The following ADAM10 variants were observed in gnomAD, a reference collection of about 807,000 sequenced individuals.
The protein encoded by ADAM10 is disintegrin and metalloproteinase domain-containing protein 10.
ADAM10 carries 17 observed loss-of-function variants against 90.1 expected under a neutral mutation model. That is an observed-to-expected ratio of 0.19 (90% CI 0.13 to 0.28). The LOEUF (loss-of-function observed/expected upper bound fraction) is 0.28. Ranked by LOEUF, ADAM10 falls within the 10% of genes least tolerant of loss-of-function variation. The pLI is 1.00. For synonymous variants in ADAM10, 310 were observed against 298.6 expected, an observed-to-expected ratio of 1.04 and a Z score of -0.40; for missense variants, 610 against 914.3, an observed-to-expected ratio of 0.67 and a Z score of 4.29.
chr15:58,708,078 A>G lies in ADAM10; in HGVS notation c.206+9499T>C, dbSNP rs546591939. On this transcript the variant is annotated intron_variant, in intron 2 of 15. Transcript: ENST00000260408. The stretch of plus-strand genomic sequence containing the variant: ...GGCAACAGAGCGAGACTCGGTCTCA[A>G]AAAAAAACAAAAACAAAAACAAAAC... 1.9e-3 allele frequency among the ~76,000 whole-genome samples: 284 copies of G among 152,154 alleles called. 2 individuals carry two copies. The highest frequency in any genetic ancestry group is 6.6e-3 in the African/African-American group (274 of 41,524).
chr15:58,630,241 A>G (rs1896067333), intron 9 of ADAM10, among the ~76,000 whole-genome samples: 1 of 152,172 alleles, frequency 6.6e-6, no homozygotes, highest in Non-Finnish European at 1.5e-5. Context: ...TATGATGGTC[A>G]TATTTTCTTA....
chr15:58,677,847 A>G (rs746012042), intron 4 of ADAM10, among the ~76,000 whole-genome samples: 1 of 152,198 alleles, frequency 6.6e-6, no homozygotes, highest in Non-Finnish European at 1.5e-5. Context: ...TTGCAATATT[A>G]CAGGAGCAAA....
chr15:58,703,229 A>C (rs1205045386), intron 2 of ADAM10, among the ~76,000 whole-genome samples: 1 of 151,198 alleles, frequency 6.6e-6, no homozygotes, highest in African/African-American at 2.4e-5. Context: ...AGTCAGAAAA[A>C]CTGCAGTATA....
intron 1 of ADAM10, among the ~76,000 whole-genome samples, chr15:58,743,093 C>G (rs532311545): frequency 1.6e-4 from 24 of 152,148 alleles, no homozygotes; most frequent in African/African-American, 5.1e-4. Context: ...ACCTGGGCCT[C>G]TTTACCCCAG....
intron 8 of ADAM10, among the ~76,000 whole-genome samples, chr15:58,634,754 G>T (rs973368488): frequency 4.6e-5 from 7 of 152,070 alleles, no homozygotes; most frequent in Non-Finnish European, 7.4e-5. Flanking sequence ...ATGGATAAGC[G>T]TATTACGATA....
intron 4 of ADAM10, 94 bp from the exon 5 acceptor site, chr15:58,665,291 T>G (rs1897053803): frequency 2.0e-6 from 2 of 996,636 alleles, no homozygotes; most frequent in African/African-American, 1.6e-5. Context: ...CTGTCTTAAC[T>G]AATGAAAACC....
chr15:58,609,338 C>G (rs556631234), intron 14 of ADAM10: 15 of 152,284 alleles, frequency 9.9e-5, no homozygotes, highest in African/African-American at 3.4e-4. Context: ...ATGATCATTA[C>G]ATATCTAAAA....
At chr15:58,637,781 A>G (rs1187184248) in intron 8 of ADAM10, among the ~76,000 whole-genome samples, 1 of 152,150 alleles carries the variant, frequency 6.6e-6, no homozygotes, top group Non-Finnish European at 1.5e-5. Context: ...CAAAAGGTCC[A>G]GATTCCAGAT....
intron 14 of ADAM10, among the ~76,000 whole-genome samples, chr15:58,601,894 T>C (rs1895121780): frequency 6.6e-6 from 1 of 152,220 alleles, no homozygotes; most frequent in Non-Finnish European, 1.5e-5. Context: ...CACACATCTT[T>C]GGTAAGAATA....
rs1427953864 is a variant in ADAM10 at position 58,712,655 on chromosome 15, T to TA, written c.206+4921dup. 2.2e-5 allele frequency among the ~76,000 whole-genome samples: 3 copies of TA among 138,826 alleles called. No individual in the cohort carries two copies. In the East Asian group the frequency reaches 6.1e-4, roughly 28 times the overall value. 91.1% of individuals were successfully genotyped at this position (138,826 alleles called of 152,430 possible). ...TCACATGGTGAAGCCCCGTCTCTAC[T>TA]AAAAAATACCAAAAAAAAAAATTAG... On this transcript the variant is annotated intron_variant, in intron 2 of 15. Transcript: ENST00000260408.
At chr15:58,610,141 T>TG (rs1476034069) in intron 14 of ADAM10, 156 bp downstream of exon 14, 4 of 726,192 alleles carry the variant, frequency 5.5e-6, no homozygotes, top group Non-Finnish European at 9.5e-6. Flanking sequence ...CAGAAGGAAA[T>TG]AATAACCAGA....
At chr15:58,674,715 G>GGAAGCTTCTACATGAATGAA (rs1897273377) in intron 4 of ADAM10, among the ~76,000 whole-genome samples, 1 of 152,152 alleles carries the variant, frequency 6.6e-6, no homozygotes, top group South Asian at 2.1e-4. Flanking sequence ...CCACAAATGA[G>GGAAGCTTCTACATGAATGAA]GAAGCTTCTA....
At chr15:58,713,465 T>G (rs552807533) in intron 2 of ADAM10, among the ~76,000 whole-genome samples, 75 of 152,280 alleles carry the variant, frequency 4.9e-4, no homozygotes, top group African/African-American at 1.7e-3. Flanking sequence ...TGAGTAAGAT[T>G]CACACTCTGC....
chr15:58,676,555 C>G lies in ADAM10; in HGVS notation c.484+2569G>C, dbSNP rs141129677. On this transcript the variant is annotated intron_variant, in intron 4 of 15. Transcript: ENST00000260408. The stretch of plus-strand genomic sequence containing the variant: ...TTGACATGAAAACTAAGGGTAGCTT[C>G]CACATTTTTAAATGGTTAAAGAAAA... Among the ~76,000 whole-genome samples the G allele has an allele frequency of 7.0e-3, 1,067 of 152,104 alleles. 13 individuals carry two copies. The highest frequency in any genetic ancestry group is 0.025 in the African/African-American group (1,020 of 41,464).
At chr15:58,678,059 G>A (rs1897335194) in intron 4 of ADAM10, among the ~76,000 whole-genome samples, 1 of 152,122 alleles carries the variant, frequency 6.6e-6, no homozygotes, top group Non-Finnish European at 1.5e-5. Context: ...TGAAAAGAAA[G>A]GTAGAGTTTG....
chr15:58,593,214 C>G lies in ADAM10; in HGVS notation c.*4333G>C, dbSNP rs1341186117. 1 of 109,242 alleles carries G rather than the reference C, an allele frequency of 9.2e-6. No individual in the cohort carries two copies. Among genetic ancestry groups the G allele is most frequent in the African/African-American group, 3.6e-5 (1 of 27,872 alleles). 6.8% of individuals were successfully genotyped at this position (109,242 alleles called of 1,614,324 possible). On this transcript the variant is annotated 3_prime_UTR_variant, in exon 16 of 16. Coordinates refer to ENST00000260408, the MANE Select transcript of ADAM10 (RefSeq NM_001110.4). ...TTTTTTTTTGAGACAGAGTCTCGCT[C>G]TGTCACCCAGGCTGGAGTGCAATGG...
intron 4 of ADAM10, among the ~76,000 whole-genome samples, chr15:58,676,605 CATATGAAATAT>C (rs1240211869): frequency 6.6e-6 from 1 of 152,020 alleles, no homozygotes; most frequent in Non-Finnish European, 1.5e-5. Flanking sequence ...TATTTTATGT[CATATGAAATAT>C]ATATGAAATT....
intron 9 of ADAM10, 71 bp from the exon 10 acceptor site, chr15:58,627,954 A>G: frequency 6.9e-7 from 1 of 1,443,834 alleles, no homozygotes; most frequent in South Asian, 1.2e-5. Context: ...GATTAAACGT[A>G]ATGTTCTCAT....
chr15:58,699,516 T>C (rs1336065365), intron 2 of ADAM10, among the ~76,000 whole-genome samples: 1 of 152,200 alleles, frequency 6.6e-6, no homozygotes, highest in Non-Finnish European at 1.5e-5. Context: ...CCTAGCACTT[T>C]GGGAGGCCGA....
Sources: allele counts gnomAD v4.1 joint callset (sites outside exome capture counted in the v4.1 genomes callset), GRCh38; gene constraint gnomAD v4.1.1; transcripts MANE v1.5; gene names NCBI Gene and HGNC (gene_info 2026-07-23, HGNC 2026-07-21).